TASOR2: variants seen among roughly 807,000 people sequenced by gnomAD.
The protein encoded by TASOR2 is transcription activation suppressor family member 2.
A neutral mutation model predicts 199.5 loss-of-function variants in TASOR2; 84 were observed. The observed-to-expected ratio is 0.42, with a 90% CI of 0.35 to 0.50. The LOEUF (loss-of-function observed/expected upper bound fraction) is 0.50, where lower values mean the gene tolerates loss of function less well. Ranked by LOEUF, TASOR2 falls within the 20% of genes least tolerant of loss-of-function variation. TASOR2 has a pLI of 0.02. For missense variants in TASOR2, 2,796 were observed against 2,835.9 expected (o/e 0.99, Z 0.32); for synonymous variants, 1,103 against 1,046.6 (o/e 1.05, Z -1.04).
At chr10:5,709,080 T>A (rs4748337) in intron 1 of TASOR2, among the ~76,000 whole-genome samples, 147,166 of 152,272 alleles carry the variant, frequency 0.97, 71,213 homozygotes, top group East Asian at 1. Context: ...AATCCAAGAT[T>A]TAGCATGATA....
rs59186946 is a variant in TASOR2 at position 5,725,390 on chromosome 10, C to CA, written c.351+888dup. Among the ~76,000 whole-genome samples, 49 of 78,968 alleles carry CA rather than the reference C, an allele frequency of 6.2e-4. 2 individuals carry two copies. The highest frequency in any genetic ancestry group is 2.9e-3 in the African/African-American group (47 of 16,408). 51.8% of individuals were successfully genotyped at this position (78,968 alleles called of 152,430 possible). Reference sequence around the variant, plus strand: ...TGGGCGATAGAGCAAGACTCCATCTCAAAAAAAAAAAAAAAAAAAAAAAAA... The same window carrying CA: ...TGGGCGATAGAGCAAGACTCCATCTCAAAAAAAAAAAAAAAAAAAAAAAAAA... On this transcript the variant is annotated intron_variant, in intron 8 of 20. Coordinates refer to ENST00000328090, the Ensembl canonical transcript of TASOR2.
In TASOR2 at chr10:5,752,730, C is replaced by T. The variant is rs1838254251; in HGVS notation, c.6606+2703C>T. ...CATAAAGATTTCTTGGTCTGCCCTG[C>T]TCTTCTCATATGGAGGTGTGTAGCT... is the stretch of plus-strand genomic sequence containing the variant. On this transcript the variant is annotated intron_variant, in intron 15 of 20. Transcript: ENST00000328090. This position sits in a 1 kb window ranked among gnomAD's most constrained non-coding sequence, Gnocchi z 4.4. Among the ~76,000 whole-genome samples, 2 of 152,212 alleles carry T rather than the reference C, an allele frequency of 1.3e-5. No individual in the cohort carries two copies. Among genetic ancestry groups the T allele is most frequent in the Admixed American group, 6.5e-5 (1 of 15,280 alleles).
chr10:5,700,265 G>T (rs1170528912), intron 1 of TASOR2, among the ~76,000 whole-genome samples: 1 of 151,830 alleles, frequency 6.6e-6, no homozygotes, highest in African/African-American at 2.4e-5. Context: ...GAAAATAGCA[G>T]GATTTTATTT....
chr10:5,762,946 TC>T, intron 20 of TASOR2, 82 bp from the exon 22 acceptor site: 1 of 1,333,768 alleles, frequency 7.5e-7, no homozygotes, highest in South Asian at 1.3e-5. Context: ...ATAGGCGTTT[TC>T]CCCATTAGAG....
rs1837562855 is a variant in TASOR2, at chr10:5,699,662, T to C, written c.-287-13161T>C. On this transcript the variant is annotated intron_variant, in intron 1 of 20. Transcript: ENST00000328090. This position sits in a 1 kb window ranked among gnomAD's most constrained non-coding sequence, Gnocchi z 4.1. ...GAAAAAAAGAAATAGAGAAAAATGATCAAGCCATTTCAGAAGTACACAAGG... is the reference window on the plus strand; with the variant it reads ...GAAAAAAAGAAATAGAGAAAAATGACCAAGCCATTTCAGAAGTACACAAGG... 1 of 252,938 alleles carries C rather than the reference T, an allele frequency of 4.0e-6. No homozygotes were observed. Among genetic ancestry groups the C allele is most frequent in the African/African-American group, 2.3e-5 (1 of 43,186 alleles). 15.7% of individuals were successfully genotyped at this position (252,938 alleles called of 1,614,324 possible).
In TASOR2 at chr10:5,744,599, C is replaced by G. The variant is rs568389696; in HGVS notation, c.2758-1580C>G. ...GATTACAGGCGTGAGCCACTGCCCCCAGCCAGAAATGGTTGGTTGGTTTGT... is the reference window on the plus strand; with the variant it reads ...GATTACAGGCGTGAGCCACTGCCCCGAGCCAGAAATGGTTGGTTGGTTTGT... On this transcript the variant is annotated intron_variant, in intron 14 of 20. Transcript: ENST00000328090. Among the ~76,000 whole-genome samples the G allele has an allele frequency of 6.6e-5, 10 of 152,242 alleles. No individual in the cohort carries two copies. In the East Asian group the frequency reaches 1.7e-3, roughly 26 times the overall value.
At position 5,710,088 on chromosome 10, in the gene TASOR2, C is replaced by A. The variant is rs757558264; in HGVS notation, c.-287-2735C>A. Among the ~76,000 whole-genome samples the A allele has an allele frequency of 1.0e-3, 158 of 152,232 alleles. No individual in the cohort carries two copies. Among genetic ancestry groups the A allele is most frequent in the Middle Eastern group, 6.8e-3 (2 of 294 alleles). ...ATTGCTCAGCAGTTATGAGACCATTCATTCATAAAGTGTTTGTATTGTTTG... is the reference window on the plus strand; with the variant it reads ...ATTGCTCAGCAGTTATGAGACCATTAATTCATAAAGTGTTTGTATTGTTTG... On this transcript the variant is annotated intron_variant, in intron 1 of 20. Transcript: ENST00000328090. This position sits in a 1 kb window ranked among gnomAD's most constrained non-coding sequence, Gnocchi z 4.6.
At position 5,694,876 on chromosome 10, in the gene TASOR2, A is replaced by G. The variant is rs114973908; in HGVS notation, c.-288+9701A>G. On this transcript the variant is annotated intron_variant, in intron 1 of 20. Transcript: ENST00000328090. ...TTGACCTATTAGTATGGTTAAATTT[A>G]TGGATTTACTATTTATTGAACCATT... Among the ~76,000 whole-genome samples the G allele has an allele frequency of 6.7e-3, 1,022 of 152,208 alleles. 19 individuals are homozygous for G. The highest frequency in any genetic ancestry group is 0.024 in the African/African-American group (977 of 41,506).
At chr10:5,695,608 T>C (rs2131503623) in intron 1 of TASOR2, among the ~76,000 whole-genome samples, 1 of 152,346 alleles carries the variant, frequency 6.6e-6, no homozygotes, top group Admixed American at 6.5e-5. Context: ...TAGACACTTT[T>C]AGTCTAACAT....
At chr10:5,714,346 TAACTTTA>T in intron 2 of TASOR2, 139 bp downstream of exon 3, 1 of 459,192 alleles carries the variant, frequency 2.2e-6, no homozygotes, top group Non-Finnish European at 3.5e-6. Context: ...TTTAGATTTC[TAACTTTA>T]AACATATGAA....
chr10:5,746,531 G>T (rs372706298), exon 15 of TASOR2: 2 of 1,614,056 alleles, frequency 1.2e-6, no homozygotes, highest in African/African-American at 2.7e-5. Context: ...TCCTTGGAAA[G>T]AAAGGATGAT....
intron 1 of TASOR2, among the ~76,000 whole-genome samples, chr10:5,704,372 T>G (rs999363594): frequency 6.6e-6 from 1 of 152,196 alleles, no homozygotes; most frequent in African/African-American, 2.4e-5. Context: ...TAGGTTTTGA[T>G]AAATTATTTC....
At chr10:5,707,654 TTCTCTC>T (rs55766705) in intron 1 of TASOR2, among the ~76,000 whole-genome samples, 5 of 135,652 alleles carry the variant, frequency 3.7e-5, no homozygotes, top group Non-Finnish European at 7.9e-5. Flanking sequence ...CTCATTCTCT[TTCTCTC>T]TCTCTCTCTC....
chr10:5,730,957 A>G lies in TASOR2; in HGVS notation c.958A>G (p.Thr320Ala). The change falls in exon 11 of 21, where the codon ACT (threonine) becomes GCT (alanine). Residue 320 changes from threonine to alanine, a missense_variant. Thr to Ala is a moderately conservative substitution (Grantham distance 58, BLOSUM62 0). Around this residue, in one of 3 missense-constraint regions of TASOR2, gnomAD observed 847 missense variants for 887.4 expected, o/e 0.95. Coordinates refer to ENST00000328090, the Ensembl canonical transcript of TASOR2. The surrounding 1 kb of genome is among the most constrained non-coding windows in gnomAD (Gnocchi z 4.1). ...CTCAGAGGCAGAAGTGAGAAAAGAAACTGAAACAAAAAAGGATTCTGAAGA... is the reference window on the plus strand; with the variant it reads ...CTCAGAGGCAGAAGTGAGAAAAGAAGCTGAAACAAAAAAGGATTCTGAAGA... 1 of 1,614,154 alleles carries G rather than the reference A, an allele frequency of 6.2e-7. No individual in the cohort carries two copies. The highest frequency in any genetic ancestry group is 1.1e-5 in the South Asian group (1 of 91,086).
intron 2 of TASOR2, chr10:5,714,412 G>A: frequency 2.7e-6 from 1 of 364,176 alleles, no homozygotes. Flanking sequence ...TCAAGAGATT[G>A]GTATTGTCTT....
In TASOR2 at chr10:5,751,563, T is replaced by C. The variant is rs560127602; in HGVS notation, c.6606+1536T>C. Reference sequence around the variant, plus strand: ...CCTTTAAGTTGGCTTCTGTGTCCTTTTGACAATTCGCCATAATTCTTCGGG... The same window carrying C: ...CCTTTAAGTTGGCTTCTGTGTCCTTCTGACAATTCGCCATAATTCTTCGGG... On this transcript the variant is annotated intron_variant, in intron 15 of 20. Coordinates refer to ENST00000328090, the Ensembl canonical transcript of TASOR2. This position sits in a 1 kb window ranked among gnomAD's most constrained non-coding sequence, Gnocchi z 5.3. Among the ~76,000 whole-genome samples, 1 of 152,348 alleles carries C rather than the reference T, an allele frequency of 6.6e-6. No individual in the cohort carries two copies. The highest frequency in any genetic ancestry group is 1.9e-4 in the East Asian group (1 of 5,188).
intron 19 of TASOR2, 30 bp downstream of exon 20, chr10:5,761,501 A>G (rs2131666994): frequency 1.3e-6 from 2 of 1,599,132 alleles, no homozygotes; most frequent in Admixed American, 1.7e-5. Flanking sequence ...TACTCAGTTA[A>G]TGCCAAAATT....
Position 5,754,070 on chromosome 10 carries a change from C to T in TASOR2, c.6607-2543C>T, listed in dbSNP as rs1054973774. ...CTGTAATCCCAGCACTTTGGGAGGC[C>T]GAGGCAGGTGGATCACCTGAAGTCA... is the stretch of plus-strand genomic sequence containing the variant. On this transcript the variant is annotated intron_variant, in intron 15 of 20. Coordinates refer to ENST00000328090, the Ensembl canonical transcript of TASOR2. This position sits in a 1 kb window ranked among gnomAD's most constrained non-coding sequence, Gnocchi z 4.3. Among the ~76,000 whole-genome samples the T allele has an allele frequency of 7.2e-5, 11 of 152,056 alleles. No homozygotes were observed. Among genetic ancestry groups the T allele is most frequent in the African/African-American group, 2.7e-4 (11 of 41,476 alleles).
At chr10:5,727,157 T>C in intron 10 of TASOR2, 34 bp downstream of exon 11, 3 of 1,610,712 alleles carry the variant, frequency 1.9e-6, no homozygotes, top group South Asian at 1.1e-5. Context: ...TCACTCTGTC[T>C]GTTGGATATA....
Sources: gnomAD v4.1 joint callset for allele counts (sites outside exome capture counted in the v4.1 genomes callset) on GRCh38, gnomAD v4.1.1 for gene constraint, gnomAD v4.1.1 regional missense constraint, Gnocchi (gnomAD v3.1) non-coding constraint, MANE v1.5 for transcripts, NCBI Gene and HGNC (gene_info 2026-07-23, HGNC 2026-07-21) for gene names.